RAPH1: variants seen among roughly 807,000 people sequenced by gnomAD.
The protein encoded by RAPH1 is Ras association (RalGDS/AF-6) and pleckstrin homology domains 1.
A neutral mutation model predicts 88.1 loss-of-function variants in RAPH1; 18 were observed. That is an observed-to-expected ratio of 0.20 (90% CI 0.14 to 0.30). The LOEUF is 0.30. Among genes scored for constraint, RAPH1 ranks in the 10% least tolerant of loss-of-function variants. The probability of loss-of-function intolerance (pLI) is 1.00; values close to 1 mark genes in which losing one functional copy is unlikely to be tolerated. For missense variants in RAPH1, 1,448 were observed against 1,543.2 expected, an observed-to-expected ratio of 0.94 and a Z score of 1.03; for synonymous variants, 587 against 559.0, an observed-to-expected ratio of 1.05 and a Z score of -0.71.
chr2:203,497,265 C>T (rs557720334), intron 1 of RAPH1, among the ~76,000 whole-genome samples: 23 of 152,310 alleles, frequency 1.5e-4, no homozygotes, highest in South Asian at 8.3e-4. Flanking sequence ...TAATGTACTT[C>T]CCAGCCTCCA....
intron 13 of RAPH1, chr2:203,442,018 A>C (rs2153633882): frequency 1.3e-6 from 2 of 1,561,588 alleles, no homozygotes; most frequent in East Asian, 4.6e-5. Flanking sequence ...AGACAATTGC[A>C]TCCAACATGC....
intron 1 of RAPH1, among the ~76,000 whole-genome samples, chr2:203,499,415 T>G (rs1217606599): frequency 6.6e-6 from 1 of 151,458 alleles, no homozygotes; most frequent in Non-Finnish European, 1.5e-5. Context: ...TGGATTAGTT[T>G]AACAGCAACA....
At position 203,441,249 on chromosome 2, in the gene RAPH1, G is replaced by T; in HGVS notation, c.1941C>A (p.Pro647=). The T allele has an allele frequency of 7.2e-7, 1 of 1,396,694 alleles. No individual in the cohort carries two copies. Among genetic ancestry groups the T allele is most frequent in the Non-Finnish European group, 9.8e-7 (1 of 1,016,986 alleles). 86.5% of individuals were successfully genotyped at this position (1,396,694 alleles called of 1,614,324 possible). A position where few individuals can be genotyped will look rare whatever the true frequency, so the allele number is the denominator to read the frequency against. Residue 647 remains proline (P), a synonymous_variant, in exon 14 of 14, where the codon CCC becomes CCA. Coordinates refer to ENST00000319170, the MANE Select transcript of RAPH1 (RefSeq NM_213589.3). Reference sequence around the variant, plus strand: ...AAGGTGCAGACTGGCTGGGGAGTGGGGGAGGAGGGGGTGGTGGAGGGGGTG... The same window carrying T: ...AAGGTGCAGACTGGCTGGGGAGTGGTGGAGGAGGGGGTGGTGGAGGGGGTG... ...PPPPPPPPPP[P]PLPSQSAPSA...
chr2:203,487,858 C>T (rs1319237626), intron 4 of RAPH1, among the ~76,000 whole-genome samples: 1 of 152,046 alleles, frequency 6.6e-6, no homozygotes, highest in Non-Finnish European at 1.5e-5. Flanking sequence ...GTACCAAAAA[C>T]AAAGCTACGC....
At chr2:203,470,430 A>G (rs1369802212) in intron 4 of RAPH1, 2 of 580,936 alleles carry the variant, frequency 3.4e-6, no homozygotes, top group Non-Finnish European at 5.9e-6. Flanking sequence ...AATTAATCTC[A>G]TATCTTTTCC....
intron 1 of RAPH1, among the ~76,000 whole-genome samples, chr2:203,527,800 C>CAAAAAA (rs59384499): frequency 7.8e-5 from 4 of 51,206 alleles, no homozygotes; most frequent in Middle Eastern, 0.015. Flanking sequence ...AACTCCATCT[C>CAAAAAA]AAAAAAAAAA....
chr2:203,458,839 T>A (rs1053935318), intron 7 of RAPH1, among the ~76,000 whole-genome samples: 2 of 151,938 alleles, frequency 1.3e-5, no homozygotes, highest in Non-Finnish European at 2.9e-5. Flanking sequence ...CTCGGCTCAG[T>A]GCAAGCTCCG....
At position 203,501,128 on chromosome 2, in the gene RAPH1, G is replaced by A. The variant is rs118081039; in HGVS notation, c.1-5775C>T. ...AAAATAAAAGCAAGAGGAAGGAAAC[G>A]TAAATCAGACTAGAGAAACAATAAG... On this transcript the variant is annotated intron_variant, in intron 1 of 13. Transcript: ENST00000319170. 1.7e-4 allele frequency among the ~76,000 whole-genome samples: 26 copies of A among 152,102 alleles called. 1 individual carries two copies. The East Asian group carries it at 3.7e-3, about 21-fold the overall frequency.
intron 3 of RAPH1, among the ~76,000 whole-genome samples, chr2:203,490,628 G>A (rs1253096690): frequency 6.6e-6 from 1 of 152,108 alleles, no homozygotes; most frequent in Non-Finnish European, 1.5e-5. Context: ...GTTTGCTGTG[G>A]GGTTCCACCT....
chr2:203,462,245 G>A (rs1026580358), intron 4 of RAPH1, among the ~76,000 whole-genome samples: 1 of 152,188 alleles, frequency 6.6e-6, no homozygotes, highest in Non-Finnish European at 1.5e-5. Context: ...TGGGATAGGA[G>A]AAAAATGAAT....
chr2:203,494,899 A>G (rs1194999952), intron 2 of RAPH1, among the ~76,000 whole-genome samples: 1 of 152,038 alleles, frequency 6.6e-6, no homozygotes, highest in African/African-American at 2.4e-5. Flanking sequence ...CAAATTTACT[A>G]AGGTAACAGG....
intron 4 of RAPH1, among the ~76,000 whole-genome samples, chr2:203,474,876 T>G (rs1158751149): frequency 1.3e-5 from 2 of 152,012 alleles, no homozygotes; most frequent in Admixed American, 6.6e-5. Flanking sequence ...TTTGGGAGGC[T>G]GAGGCAGGTG....
At chr2:203,503,731 A>C (rs1473684155) in intron 1 of RAPH1, among the ~76,000 whole-genome samples, 1 of 152,216 alleles carries the variant, frequency 6.6e-6, no homozygotes, top group East Asian at 1.9e-4. Flanking sequence ...ATCTGAGACA[A>C]GGCAAGTCCC....
chr2:203,469,237 A>G (rs1394983340), intron 4 of RAPH1, among the ~76,000 whole-genome samples: 1 of 152,050 alleles, frequency 6.6e-6, no homozygotes, highest in Non-Finnish European at 1.5e-5. Context: ...GGAAAAAGGA[A>G]AAAGAGCTAG....
intron 4 of RAPH1, among the ~76,000 whole-genome samples, chr2:203,486,702 T>C (rs1687989855): frequency 6.6e-6 from 1 of 152,212 alleles, no homozygotes; most frequent in Admixed American, 6.5e-5. Flanking sequence ...TTTAAAACTG[T>C]ATTTGCACTT....
At chr2:203,470,365 T>C in intron 4 of RAPH1, 2 of 1,233,946 alleles carry the variant, frequency 1.6e-6, no homozygotes, top group Non-Finnish European at 2.3e-6. Context: ...CAGAAGTCAG[T>C]GGAGGTTTTA....
chr2:203,490,728 T>C (rs573840858), intron 3 of RAPH1, among the ~76,000 whole-genome samples: 4 of 152,294 alleles, frequency 2.6e-5, no homozygotes, highest in Admixed American at 6.5e-5. Flanking sequence ...CAATTAGTAA[T>C]ATTAATAAAA....
chr2:203,448,109 TAA>T lies in RAPH1; in HGVS notation c.1513-32_1513-31del. The T allele has an allele frequency of 6.2e-7, 1 of 1,609,172 alleles. No individual in the cohort carries two copies. The highest frequency in any genetic ancestry group is 8.5e-7 in the Non-Finnish European group (1 of 1,176,530). On this transcript the variant is annotated intron_variant, in intron 11 of 13. Coordinates refer to ENST00000319170, the MANE Select transcript of RAPH1 (RefSeq NM_213589.3). The surrounding 1 kb of genome is among the most constrained non-coding windows in gnomAD (Gnocchi z 4.1). ...AGAGAAGACAGGAAATGGTGACATCTAAACTTTACTGAGTATGATACAGAAGG... is the reference window on the plus strand; with the variant it reads ...AGAGAAGACAGGAAATGGTGACATCTACTTTACTGAGTATGATACAGAAGG...
intron 4 of RAPH1, among the ~76,000 whole-genome samples, chr2:203,478,303 G>A (rs1422840528): frequency 1.3e-5 from 2 of 151,952 alleles, no homozygotes; most frequent in Non-Finnish European, 2.9e-5. Context: ...CAAAGTGCTG[G>A]GATTACAGGC....
Sources: allele counts gnomAD v4.1 joint callset (sites outside exome capture counted in the v4.1 genomes callset), GRCh38; gene constraint gnomAD v4.1.1; non-coding constraint Gnocchi (gnomAD v3.1); transcripts MANE v1.5; gene names NCBI Gene and HGNC (gene_info 2026-07-23, HGNC 2026-07-21).